Variants in AP2A1 observed in about 807,000 individuals in gnomAD.
The protein encoded by AP2A1 is adaptor related protein complex 2 subunit alpha 1, also known as AP-2 complex subunit alpha-1.
AP2A1 carries 21 observed loss-of-function variants against 107.3 expected under a neutral mutation model. That is an observed-to-expected ratio of 0.20 (90% CI 0.14 to 0.28). AP2A1 has a LOEUF of 0.28. Among genes scored for constraint, AP2A1 ranks in the 10% least tolerant of loss-of-function variants. AP2A1 has a pLI of 1.00. For missense variants in AP2A1, 873 were observed against 1,307.7 expected, an observed-to-expected ratio of 0.67 and a Z score of 5.13; for synonymous variants, 602 against 564.8, an observed-to-expected ratio of 1.07 and a Z score of -0.93.
chr19:49,802,914 G>C, intron 15 of AP2A1, 35 bp from the exon 16 acceptor site: 6 of 1,605,312 alleles, frequency 3.7e-6, no homozygotes, highest in Non-Finnish European at 5.1e-6. Context: ...TCCCCACCAA[G>C]TTCCTTCCCA....
At position 49,801,694 on chromosome 19, in the gene AP2A1, C is replaced by A. The variant is rs200255111; in HGVS notation, c.1786-28C>A. 1,094 of 1,518,570 alleles carry A rather than the reference C, an allele frequency of 7.2e-4. 9 individuals are homozygous for A. In the African/African-American group the frequency reaches 0.014, roughly 19 times the overall value. 94.1% of individuals were successfully genotyped at this position (1,518,570 alleles called of 1,614,324 possible). A position where few individuals can be genotyped will look rare whatever the true frequency, so the allele number is the denominator to read the frequency against. ...CGCCCTCCCCTCCTCCTGACCCGAACTGACCTTCCCCACCCCGACCGCGCC... is the reference window on the plus strand; with the variant it reads ...CGCCCTCCCCTCCTCCTGACCCGAAATGACCTTCCCCACCCCGACCGCGCC... On this transcript the variant is annotated intron_variant, in intron 13 of 22. Transcript: ENST00000354293.
chr19:49,780,445 G>A (rs1228729655), intron 1 of AP2A1, among the ~76,000 whole-genome samples: 1 of 152,190 alleles, frequency 6.6e-6, no homozygotes, highest in African/African-American at 2.4e-5. Flanking sequence ...GAGGATGTGC[G>A]TGTTCCCGGA....
rs2073100374 is a variant in AP2A1, at chr19:49,788,409, C to T, written c.474-3526C>T. ...CTGTAAATGGAGATGATAGAATCCG[C>T]GTCCTTAGAGGGCTGTGGTGGGGAG... On this transcript the variant is annotated intron_variant, in intron 4 of 22. Transcript: ENST00000354293. The surrounding 1 kb of genome is among the most constrained non-coding windows in gnomAD (Gnocchi z 4.5). 6.6e-6 allele frequency among the ~76,000 whole-genome samples: 1 copy of T among 152,174 alleles called. No individual in the cohort carries two copies. The highest frequency in any genetic ancestry group is 1.5e-5 in the Non-Finnish European group (1 of 68,026).
Position 49,799,337 on chromosome 19 carries a change from C to G in AP2A1, c.976C>G (p.Leu326Val). 6.2e-7 allele frequency: 1 copy of G among 1,610,648 alleles called. No homozygotes were observed. The highest frequency in any genetic ancestry group is 8.5e-7 in the Non-Finnish European group (1 of 1,179,468). ...LIIHYDSEPN[L>V]LVRACNQLGQ... ...GGCCCCTGCTGGCAGTGAGCCCAACCTCCTGGTTCGGGCCTGCAACCAGCT... is the reference window on the plus strand; with the variant it reads ...GGCCCCTGCTGGCAGTGAGCCCAACGTCCTGGTTCGGGCCTGCAACCAGCT... Residue 326 changes from leucine to valine, a missense_variant, in exon 9 of 23, where the codon CTC becomes GTC. This residue lies in a region of AP2A1 where 213 missense variants were observed against 443.5 expected (regional missense o/e 0.48). Transcript: ENST00000354293.
rs565974349 is a variant in AP2A1 at position 49,806,731 on chromosome 19, G to T, written c.2841G>T (p.Leu947=). The change falls in exon 23 of 23, where the codon CTG becomes CTT. Residue 947 remains leucine (L), a synonymous_variant. Transcript: ENST00000354293. ...RTSKEPVSRH[L]CELLAQQF is the part of the protein sequence containing the mutation. ...GCAAGGAGCCCGTCTCCCGTCACCT[G>T]TGTGAGCTGCTGGCACAGCAGTTCT... 70 of 1,613,718 alleles carry T rather than the reference G, an allele frequency of 4.3e-5. No individual in the cohort carries two copies. Among genetic ancestry groups the T allele is most frequent in the Non-Finnish European group, 5.8e-5 (68 of 1,179,874 alleles).
chr19:49,794,491 T>C lies in AP2A1; in HGVS notation c.706-1139T>C, dbSNP rs539163264. On this transcript the variant is annotated intron_variant, in intron 6 of 22. Coordinates refer to ENST00000354293, the MANE Select transcript of AP2A1 (RefSeq NM_130787.3). ...TGCTGGGATTACAGGTGTGAGCCAC[T>C]GCACTCAGCCTCAGTCATTGTTTCA... Among the ~76,000 whole-genome samples the C allele has an allele frequency of 1.5e-4, 23 of 152,202 alleles. No individual in the cohort carries two copies. The South Asian group carries it at 4.8e-3, about 32-fold the overall frequency.
intron 6 of AP2A1, among the ~76,000 whole-genome samples, chr19:49,794,530 C>T (rs1194467141): frequency 6.6e-6 from 1 of 151,826 alleles, no homozygotes; most frequent in African/African-American, 2.4e-5. Flanking sequence ...ATTCATCACA[C>T]ATCTGAGTAC....
intron 22 of AP2A1, 41 bp from the exon 23 acceptor site, chr19:49,806,640 C>A (rs2073395428): frequency 6.2e-7 from 1 of 1,611,136 alleles, no homozygotes; most frequent in African/African-American, 1.3e-5. Flanking sequence ...TCCCTGGGCT[C>A]CCCATCTCCT....
chr19:49,778,608 A>G (rs1182580409), intron 1 of AP2A1, among the ~76,000 whole-genome samples: 1 of 152,118 alleles, frequency 6.6e-6, no homozygotes, highest in African/African-American at 2.4e-5. Flanking sequence ...AAACCTGCAC[A>G]GCATGGGACT....
rs1207822426 is a variant in AP2A1, at chr19:49,793,015, C to G, written c.628C>G (p.Leu210Val). 6.2e-7 allele frequency: 1 copy of G among 1,608,730 alleles called. No individual in the cohort carries two copies. ...GGGTGTGGTCACGGCCGCCGTCAGCCTCATCACCTGTCTCTGCAAGAAGAA... is the reference window on the plus strand; with the variant it reads ...GGGTGTGGTCACGGCCGCCGTCAGCGTCATCACCTGTCTCTGCAAGAAGAA... ...HMGVVTAAVS[L>V]ITCLCKKNPD... is the part of the protein sequence containing the mutation. Residue 210 changes from leucine to valine, a missense_variant, in exon 6 of 23, where the codon CTC (leucine) becomes GTC (valine). By Grantham distance (32) the Leu-to-Val change is conservative. Around this residue, in one of 4 missense-constraint regions of AP2A1, gnomAD observed 157 missense variants for 212.6 expected, o/e 0.74. Transcript: ENST00000354293.
rs1418425703 is a variant in AP2A1, at chr19:49,787,338, G to GTTTTTTTT, written c.474-4596_474-4589dup. Among the ~76,000 whole-genome samples the GTTTTTTTT allele has an allele frequency of 6.7e-5, 6 of 89,732 alleles. 1 individual carries two copies. Among genetic ancestry groups the GTTTTTTTT allele is most frequent in the South Asian group, 4.3e-4 (1 of 2,318 alleles). The allele number at this position is 89,732 out of a possible 152,430, so 58.9% of individuals were successfully genotyped here. A position where few individuals can be genotyped will look rare whatever the true frequency, so the allele number is the denominator to read the frequency against. On this transcript the variant is annotated intron_variant, in intron 4 of 22. Transcript: ENST00000354293. The stretch of plus-strand genomic sequence containing the variant: ...ACTCCCATCTAGGCTTTTTTTGTTT[G>GTTTTTTTT]TTTTTTTTGTTTTTTGTTTTTTTTT...
chr19:49,802,166 C>T (rs1347091966), intron 15 of AP2A1, 25 bp downstream of exon 15: 2 of 1,530,268 alleles, frequency 1.3e-6, no homozygotes. Flanking sequence ...GCCCGGGCCC[C>T]TTCTCGCGGC....
intron 15 of AP2A1, chr19:49,802,425 T>G: frequency 8.9e-7 from 1 of 1,124,308 alleles, no homozygotes; most frequent in South Asian, 1.3e-5. Context: ...TCTCCTTCCC[T>G]CTTCCGTCCC....
intron 9 of AP2A1, 25 bp downstream of exon 9, chr19:49,799,520 G>T: frequency 1.2e-6 from 2 of 1,607,078 alleles, no homozygotes; most frequent in Non-Finnish European, 1.7e-6. Context: ...AGCCCACCCC[G>T]GGCCTGCCAC....
rs772619486 is a variant in AP2A1, at chr19:49,795,640, C to T, written c.716C>T (p.Ser239Phe). Residue 239 changes from serine to phenylalanine, a missense_variant, in exon 7 of 23, where the codon TCT becomes TTT. Ser to Phe is a radical substitution (Grantham distance 155). Transcript: ENST00000354293. ...AVSRLSRIVS[S>F]ASTDLQDYTY... is the part of the protein sequence containing the mutation. ...GCTCTTCCCCGCCAGATCGTCTCCT[C>T]TGCCTCCACCGACCTCCAGGACTAC... The T allele has an allele frequency of 9.7e-6, 15 of 1,547,118 alleles. No homozygotes were observed. The highest frequency in any genetic ancestry group is 1.2e-5 in the Non-Finnish European group (14 of 1,142,584).
intron 4 of AP2A1, among the ~76,000 whole-genome samples, chr19:49,786,164 T>C (rs1477795232): frequency 7.7e-6 from 1 of 129,068 alleles, no homozygotes; most frequent in Non-Finnish European, 1.7e-5. Flanking sequence ...GGAGGATTGC[T>C]TGAGCTCAAG....
At chr19:49,775,230 T>A (rs138615996) in intron 1 of AP2A1, among the ~76,000 whole-genome samples, 113 of 152,210 alleles carry the variant, frequency 7.4e-4, no homozygotes, top group Non-Finnish European at 1.3e-3. Flanking sequence ...CCTGTCTCCA[T>A]ATATTTTTTA....
At chr19:49,787,953 C>T (rs1261882445) in intron 4 of AP2A1, among the ~76,000 whole-genome samples, 2 of 151,998 alleles carry the variant, frequency 1.3e-5, no homozygotes, top group Admixed American at 6.6e-5. Flanking sequence ...GGTGCATATC[C>T]GTGATTTGCT....
At chr19:49,794,550 C>A (rs1197614377) in intron 6 of AP2A1, among the ~76,000 whole-genome samples, 1 of 151,944 alleles carries the variant, frequency 6.6e-6, no homozygotes, top group Non-Finnish European at 1.5e-5. Flanking sequence ...CTGCAGTGTG[C>A]CAGGATGACA....
Sources: gnomAD v4.1 joint callset for allele counts (sites outside exome capture counted in the v4.1 genomes callset) on GRCh38, gnomAD v4.1.1 for gene constraint, gnomAD v4.1.1 regional missense constraint, Gnocchi (gnomAD v3.1) non-coding constraint, MANE v1.5 for transcripts, NCBI Gene and HGNC (gene_info 2026-07-23, HGNC 2026-07-21) for gene names.